Variants in PALD1 observed in about 807,000 individuals in gnomAD.
PALD1 encodes the protein paladin.
A neutral mutation model predicts 96.0 loss-of-function variants in PALD1; 57 were observed. The observed-to-expected ratio is 0.59, with a 90% CI of 0.48 to 0.74. PALD1 has a LOEUF of 0.74. Ranked by LOEUF, PALD1 falls within the 30% of genes least tolerant of loss-of-function variation. The probability of loss-of-function intolerance (pLI) is 0.00; values close to 1 mark genes in which losing one functional copy is unlikely to be tolerated. For synonymous variants in PALD1, 464 were observed against 473.6 expected, an observed-to-expected ratio of 0.98 and a Z score of 0.26; for missense variants, 1,063 against 1,143.7, an observed-to-expected ratio of 0.93 and a Z score of 1.02.
chr10:70,531,767 T>C (rs1264762045), intron 5 of PALD1, among the ~76,000 whole-genome samples: 1 of 151,576 alleles, frequency 6.6e-6, no homozygotes, highest in Non-Finnish European at 1.5e-5. Context: ...GAGGCCGAGG[T>C]GGGCAGGAGT....
At chr10:70,487,340 A>G (rs1253977507) in intron 1 of PALD1, among the ~76,000 whole-genome samples, 3 of 151,714 alleles carry the variant, frequency 2.0e-5, no homozygotes, top group Non-Finnish European at 4.4e-5. Flanking sequence ...TCACTGTGTT[A>G]GCCAGGATGG....
chr10:70,458,506 G>C, the PALD1 span, among the ~76,000 whole-genome samples: 5 of 152,204 alleles, frequency 3.3e-5, no homozygotes, highest in East Asian at 9.7e-4. Flanking sequence ...AGGGCGACCC[G>C]GGTGAGTCAG....
At chr10:70,508,838 G>GTGTGTGTGTGTGTGTGTGTGTGT (rs1846454310) in intron 1 of PALD1, among the ~76,000 whole-genome samples, 1 of 50,578 alleles carries the variant, frequency 2.0e-5, no homozygotes, top group Admixed American at 1.8e-4. Context: ...TGGGAGCTGC[G>GTGTGTGTGTGTGTGTGTGTGTGT]GAACCTGTGT....
chr10:70,480,517 G>A (rs1364163342), intron 1 of PALD1, among the ~76,000 whole-genome samples: 1 of 152,178 alleles, frequency 6.6e-6, no homozygotes, highest in African/African-American at 2.4e-5. Flanking sequence ...GGGCCCAGGT[G>A]GCTTGAGGTG....
Position 70,532,690 on chromosome 10 carries a change from G to C in PALD1, c.703G>C (p.Glu235Gln). ...CCATAACACCGAGGACCTGTGGGGG[G>C]AGCCCCATGCTGTGGCCATCCATGG... Reference protein sequence around the residue: ...VYHNTEDLWGEPHAVAIHGED... With the variant: ...VYHNTEDLWGQPHAVAIHGED... The change falls in exon 6 of 20, where the codon GAG (glutamate) becomes CAG (glutamine). Residue 235 changes from glutamate to glutamine, a missense_variant. Physicochemically the swap from Glu to Gln is conservative, Grantham distance 29. Coordinates refer to ENST00000263563, the MANE Select transcript of PALD1 (RefSeq NM_014431.3). The C allele has an allele frequency of 6.2e-7, 1 of 1,614,182 alleles. No individual in the cohort carries two copies. The highest frequency in any genetic ancestry group is 8.5e-7 in the Non-Finnish European group (1 of 1,180,022).
chr10:70,477,797 C>T (rs78557050), upstream of PALD1, among the ~76,000 whole-genome samples: 1 of 152,216 alleles, frequency 6.6e-6, no homozygotes, highest in African/African-American at 2.4e-5. Flanking sequence ...CAGCTCCAGT[C>T]CTGAATGGGG....
At chr10:70,548,999 A>G (rs574004702) in intron 18 of PALD1, among the ~76,000 whole-genome samples, 118 of 130,870 alleles carry the variant, frequency 9.0e-4, no homozygotes, top group Middle Eastern at 4.2e-3. Flanking sequence ...ACTTGAGGCT[A>G]GGAGTTTGAG....
At chr10:70,538,744 C>T (rs543145524) in intron 12 of PALD1, 148 bp from the exon 13 acceptor site, 107 of 703,166 alleles carry the variant, frequency 1.5e-4, no homozygotes, top group Admixed American at 4.7e-4. Flanking sequence ...TTGCCAGGGC[C>T]GGGGGAAGCT....
intron 1 of PALD1, among the ~76,000 whole-genome samples, chr10:70,508,754 G>A (rs1207891252): frequency 7.2e-6 from 1 of 138,210 alleles, no homozygotes; most frequent in East Asian, 2.2e-4. Flanking sequence ...ATACACGTGG[G>A]TGCCCAGGGT....
chr10:70,558,749 GAA>G (rs1455711572), intron 18 of PALD1, among the ~76,000 whole-genome samples: 1 of 152,072 alleles, frequency 6.6e-6, no homozygotes, highest in Non-Finnish European at 1.5e-5. Flanking sequence ...CGTTTTAAGA[GAA>G]AGTATGTAAA....
chr10:70,559,959 A>G (rs1179453535), intron 18 of PALD1, among the ~76,000 whole-genome samples: 1 of 152,132 alleles, frequency 6.6e-6, no homozygotes, highest in Non-Finnish European at 1.5e-5. Context: ...CCTGCCACAT[A>G]CCAAGTTCTC....
intron 16 of PALD1, 30 bp downstream of exon 16, chr10:70,541,272 G>T: frequency 1.3e-6 from 2 of 1,585,496 alleles, no homozygotes; most frequent in Non-Finnish European, 1.7e-6. Context: ...TGAGATTAGA[G>T]ATTTGCCTGG....
At chr10:70,467,171 A>G in the PALD1 span, among the ~76,000 whole-genome samples, 1 of 152,060 alleles carries the variant, frequency 6.6e-6, no homozygotes, top group Non-Finnish European at 1.5e-5. Flanking sequence ...GAGTGTTGAG[A>G]GAAAGCAGGG....
chr10:70,484,415 A>G (rs1161208156), intron 1 of PALD1, among the ~76,000 whole-genome samples: 1 of 152,262 alleles, frequency 6.6e-6, no homozygotes, highest in Non-Finnish European at 1.5e-5. Context: ...GCAATGATAG[A>G]AAATGTGTTT....
chr10:70,515,645 G>A (rs1846606293), intron 1 of PALD1, among the ~76,000 whole-genome samples: 1 of 152,206 alleles, frequency 6.6e-6, no homozygotes, highest in African/African-American at 2.4e-5. Flanking sequence ...AGCCCTCGCT[G>A]TGCTGTGTGT....
chr10:70,508,809 G>GTGTGTGTGTGTGTGTGTGTA (rs1235689118), intron 1 of PALD1, among the ~76,000 whole-genome samples: 33 of 113,824 alleles, frequency 2.9e-4, no homozygotes, highest in Admixed American at 9.5e-4. Flanking sequence ...GTGTGTGTGT[G>GTGTGTGTGTGTGTGTGTGTA]TGTGTGTGTG....
chr10:70,545,074 C>G (rs868040463), intron 17 of PALD1, among the ~76,000 whole-genome samples: 2 of 151,706 alleles, frequency 1.3e-5, no homozygotes, highest in South Asian at 2.1e-4. Flanking sequence ...CTCCAGGTGC[C>G]GGCAGAAAGC....
At chr10:70,520,091 G>C (rs1846699372) in intron 1 of PALD1, among the ~76,000 whole-genome samples, 1 of 152,132 alleles carries the variant, frequency 6.6e-6, no homozygotes, top group African/African-American at 2.4e-5. Context: ...TGGGACTTGG[G>C]ATTGTGCCAG....
chr10:70,526,226 C>G, intron 2 of PALD1, 90 bp downstream of exon 2: 1 of 1,035,358 alleles, frequency 9.7e-7, no homozygotes, highest in Non-Finnish European at 1.5e-6. Context: ...CAGCACTTAA[C>G]GCTTGCAGAC....
Sources: gnomAD v4.1 joint callset for allele counts (sites outside exome capture counted in the v4.1 genomes callset) on GRCh38, gnomAD v4.1.1 for gene constraint, MANE v1.5 for transcripts, NCBI Gene and HGNC (gene_info 2026-07-23, HGNC 2026-07-21) for gene names.